Variants in GABRG3 observed in about 807,000 individuals in gnomAD.
The protein encoded by GABRG3 is gamma-aminobutyric acid type A receptor subunit gamma3, also known as gamma-aminobutyric acid receptor subunit gamma-3.
In GABRG3, 25 loss-of-function variants were observed where a neutral mutation model predicts 48.8. That is an observed-to-expected ratio of 0.51 (90% CI 0.37 to 0.72). GABRG3 has a LOEUF of 0.72. GABRG3 is among the 30% of genes least tolerant of loss of function. The probability of loss-of-function intolerance (pLI) is 0.00; values close to 1 mark genes in which losing one functional copy is unlikely to be tolerated. For synonymous variants in GABRG3, 227 were observed against 217.6 expected, an observed-to-expected ratio of 1.04 and a Z score of -0.38; for missense variants, 394 against 577.9, an observed-to-expected ratio of 0.68 and a Z score of 3.26.
At chr15:27,448,966 G>A (rs538334306) in intron 5 of GABRG3, among the ~76,000 whole-genome samples, 1 of 152,272 alleles carries the variant, frequency 6.6e-6, no homozygotes, top group South Asian at 2.1e-4. Flanking sequence ...AATTTAGTAA[G>A]TTTCTTTACT....
At position 27,313,557 on chromosome 15, in the gene GABRG3, C is replaced by T. The variant is rs78541881; in HGVS notation, c.271-13252C>T. 2.0e-5 allele frequency among the ~76,000 whole-genome samples: 3 copies of T among 151,498 alleles called. No homozygotes were observed. In the East Asian group the frequency reaches 5.8e-4, roughly 30 times the overall value. On this transcript the variant is annotated intron_variant, in intron 3 of 9. Transcript: ENST00000615808. The stretch of plus-strand genomic sequence containing the variant: ...ACATTCTTCTCAAGTGCACTTAAAA[C>T]GTTCCCCAGGATAGATCACATGTTA...
At chr15:27,369,673 A>G (rs956671791) in intron 5 of GABRG3, among the ~76,000 whole-genome samples, 13 of 151,878 alleles carry the variant, frequency 8.6e-5, no homozygotes, top group Admixed American at 5.9e-4. Flanking sequence ...CAGACGTGGT[A>G]GCGGGCACCT....
rs145414996 is a variant in GABRG3 at position 26,976,055 on chromosome 15, T to C, written c.54-947T>C. 0.023 allele frequency among the ~76,000 whole-genome samples: 3,556 copies of C among 152,174 alleles called. 75 individuals carry two copies. Among genetic ancestry groups the C allele is most frequent in the Non-Finnish European group, 0.034 (2,284 of 68,010 alleles). ...GGCCTCACTCATTGAGAAAACCAGC[T>C]TGTCAAGTACAAGTGTGTGCCAATT... On this transcript the variant is annotated intron_variant, in intron 1 of 9. Transcript: ENST00000615808. The surrounding 1 kb of genome is among the most constrained non-coding windows in gnomAD (Gnocchi z 7.8).
At chr15:27,240,206 T>A (rs1321064864) in intron 3 of GABRG3, among the ~76,000 whole-genome samples, 5 of 152,148 alleles carry the variant, frequency 3.3e-5, no homozygotes, top group Non-Finnish European at 5.9e-5. Flanking sequence ...TCTATAATTT[T>A]AAAAAATGAA....
chr15:27,239,187 G>A (rs1029895580), intron 3 of GABRG3, among the ~76,000 whole-genome samples: 1 of 152,226 alleles, frequency 6.6e-6, no homozygotes, highest in African/African-American at 2.4e-5. Flanking sequence ...ACACCAGTCC[G>A]AGGTTTACAC....
chr15:27,003,611 C>T (rs1267815736), intron 2 of GABRG3, among the ~76,000 whole-genome samples: 6 of 152,176 alleles, frequency 3.9e-5, no homozygotes, highest in Non-Finnish European at 8.8e-5. Context: ...AAAAGTCTGC[C>T]ATGTATACTT....
chr15:27,416,061 C>T (rs1001778492), intron 5 of GABRG3, among the ~76,000 whole-genome samples: 1 of 152,210 alleles, frequency 6.6e-6, no homozygotes, highest in Admixed American at 6.5e-5. Flanking sequence ...GCATGTGTCT[C>T]AGGAATATCC....
At chr15:27,130,753 G>A (rs181722728) in intron 3 of GABRG3, among the ~76,000 whole-genome samples, 247 of 152,054 alleles carry the variant, frequency 1.6e-3, no homozygotes, top group African/African-American at 5.7e-3. Flanking sequence ...CAGTTTATTT[G>A]AGTGTCTTAT....
intron 5 of GABRG3, among the ~76,000 whole-genome samples, chr15:27,391,047 C>T (rs1239547752): frequency 6.6e-6 from 1 of 151,516 alleles, no homozygotes; most frequent in African/African-American, 2.4e-5. Flanking sequence ...AAGATCACAC[C>T]ATTGCACTCT....
At chr15:27,220,584 G>A (rs757761981) in intron 3 of GABRG3, among the ~76,000 whole-genome samples, 7 of 152,082 alleles carry the variant, frequency 4.6e-5, no homozygotes, top group Non-Finnish European at 5.9e-5. Context: ...GACAGCAGTG[G>A]GCATTTTCCA....
At chr15:27,295,901 A>C (rs1346814490) in intron 3 of GABRG3, among the ~76,000 whole-genome samples, 1 of 152,154 alleles carries the variant, frequency 6.6e-6, no homozygotes, top group Non-Finnish European at 1.5e-5. Flanking sequence ...CTTTTCCCAG[A>C]ATGCCTCTCT....
At chr15:27,073,747 C>T (rs1896863863) in intron 3 of GABRG3, among the ~76,000 whole-genome samples, 1 of 152,186 alleles carries the variant, frequency 6.6e-6, no homozygotes, top group Admixed American at 6.5e-5. Context: ...GACAAGAGTC[C>T]AAGCTTGACT....
intron 3 of GABRG3, among the ~76,000 whole-genome samples, chr15:27,242,174 A>G (rs527633339): frequency 2.6e-5 from 4 of 152,334 alleles, no homozygotes; most frequent in Admixed American, 2.0e-4. Context: ...ACTCACAGAA[A>G]TGCTATACAG....
rs1412863213 is a variant in GABRG3, at chr15:27,005,179, T to A, written c.203-21575T>A. ...TAACATTTTCCCTCAATATTTAAAT[T>A]GTTAAATATCTTATTTTATTTTATT... On this transcript the variant is annotated intron_variant, in intron 2 of 9. Transcript: ENST00000615808. 2.0e-5 allele frequency among the ~76,000 whole-genome samples: 3 copies of A among 152,158 alleles called. No homozygotes were observed. The South Asian group carries it at 6.2e-4, about 32-fold the overall frequency.
intron 5 of GABRG3, among the ~76,000 whole-genome samples, chr15:27,411,590 G>C (rs1488138501): frequency 6.6e-6 from 1 of 152,136 alleles, no homozygotes; most frequent in Admixed American, 6.5e-5. Flanking sequence ...TTTAACTTTT[G>C]TTGCTACTGT....
At chr15:27,461,647 G>A (rs1479064461) in intron 5 of GABRG3, among the ~76,000 whole-genome samples, 2 of 152,162 alleles carry the variant, frequency 1.3e-5, no homozygotes, top group Non-Finnish European at 2.9e-5. Flanking sequence ...TTTACAGAGA[G>A]CTGATTGGTC....
intron 3 of GABRG3, among the ~76,000 whole-genome samples, chr15:27,299,492 A>C (rs1892119780): frequency 6.6e-6 from 1 of 152,134 alleles, no homozygotes. Flanking sequence ...TGAAATCTGA[A>C]AGTTGGCACT....
chr15:27,138,408 C>T (rs1898046405), intron 3 of GABRG3, among the ~76,000 whole-genome samples: 1 of 152,220 alleles, frequency 6.6e-6, no homozygotes, highest in Admixed American at 6.5e-5. Context: ...CATCCTTTCT[C>T]ATCAAACTCT....
chr15:27,049,143 G>T (rs1243058963), intron 3 of GABRG3, among the ~76,000 whole-genome samples: 1 of 152,228 alleles, frequency 6.6e-6, no homozygotes, highest in Non-Finnish European at 1.5e-5. Flanking sequence ...GCAGGGTTGG[G>T]TTTAATGCTC....
Sources: gnomAD v4.1 joint callset for allele counts (sites outside exome capture counted in the v4.1 genomes callset) on GRCh38, gnomAD v4.1.1 for gene constraint, Gnocchi (gnomAD v3.1) non-coding constraint, MANE v1.5 for transcripts, NCBI Gene and HGNC (gene_info 2026-07-23, HGNC 2026-07-21) for gene names.